SOX5: variants seen among roughly 807,000 people sequenced by gnomAD.
SOX5 encodes the protein SRY-box transcription factor 5.
Under a neutral mutation model 92.0 loss-of-function variants are expected in SOX5, and 9 were observed. The observed-to-expected ratio is 0.10, with a 90% CI of 0.06 to 0.17. SOX5 has a LOEUF of 0.17. SOX5 is among the 10% of genes least tolerant of loss of function. The pLI is 1.00. For missense variants in SOX5, 642 were observed against 944.5 expected (o/e 0.68, Z 4.20); for synonymous variants, 344 against 336.3 (o/e 1.02, Z -0.25).
In SOX5 at chr12:24,344,053, G is replaced by T. The variant is rs534996337; in HGVS notation, c.-174+24510C>A. 7.6e-4 allele frequency among the ~76,000 whole-genome samples: 116 copies of T among 152,048 alleles called. 1 individual carries two copies. The highest frequency in any genetic ancestry group is 1.4e-3 in the Non-Finnish European group (94 of 68,014). The stretch of plus-strand genomic sequence containing the variant: ...TAATCTCAGCACTTTGGGAGGCCGA[G>T]GTGGGCGAATCACAAGGTCAGGAGA... On this transcript the variant is annotated intron_variant, in intron 2 of 4. Transcript: ENST00000446891.
chr12:24,257,614 A>G (rs1941418733), intron 3 of SOX5, among the ~76,000 whole-genome samples: 1 of 152,074 alleles, frequency 6.6e-6, no homozygotes, highest in Admixed American at 6.5e-5. Context: ...GATTACAGGC[A>G]CGCACCACCA....
chr12:23,960,923 A>G (rs1946862367), intron 4 of SOX5, among the ~76,000 whole-genome samples: 1 of 152,104 alleles, frequency 6.6e-6, no homozygotes, highest in African/African-American at 2.4e-5. Flanking sequence ...TTCACTGCAT[A>G]TATTTTGAAC....
chr12:24,082,927 T>A (rs988872060), intron 4 of SOX5, among the ~76,000 whole-genome samples: 1 of 151,960 alleles, frequency 6.6e-6, no homozygotes, highest in South Asian at 2.1e-4. Context: ...CACAAAGATA[T>A]AATGATAGAT....
chr12:23,684,811 A>C (rs542285517), intron 6 of SOX5, among the ~76,000 whole-genome samples: 4 of 152,244 alleles, frequency 2.6e-5, no homozygotes, highest in African/African-American at 9.6e-5. Context: ...AACTGGCTTA[A>C]TGTCAACCTT....
chr12:23,851,068 C>A (rs1176062473), intron 2 of SOX5, among the ~76,000 whole-genome samples: 1 of 151,372 alleles, frequency 6.6e-6, no homozygotes. Flanking sequence ...TTTTAAAAAA[C>A]CAGTTGCTTG....
chr12:23,689,136 G>A (rs2088242867), intron 6 of SOX5, among the ~76,000 whole-genome samples: 1 of 152,068 alleles, frequency 6.6e-6, no homozygotes, highest in Admixed American at 6.6e-5. Context: ...GCCATTTAGA[G>A]CTAATCTGTT....
At chr12:24,032,979 C>T (rs576871271) in intron 4 of SOX5, among the ~76,000 whole-genome samples, 17 of 151,934 alleles carry the variant, frequency 1.1e-4, no homozygotes, top group Non-Finnish European at 2.4e-4. Flanking sequence ...GATTCTCAAA[C>T]TGGAAGTTGG....
At position 24,300,483 on chromosome 12, in the gene SOX5, G is replaced by A. The variant is rs148968131; in HGVS notation, c.-173-23171C>T. ...TCAAATAGGACATTATCCTTGCAACGAGACCAATATTCACTAAGCAACATA... is the reference window on the plus strand; with the variant it reads ...TCAAATAGGACATTATCCTTGCAACAAGACCAATATTCACTAAGCAACATA... On this transcript the variant is annotated intron_variant, in intron 2 of 4. Transcript: ENST00000446891. Among the ~76,000 whole-genome samples, 1,050 of 152,146 alleles carry A rather than the reference G, an allele frequency of 6.9e-3. 5 individuals are homozygous for A. The highest frequency in any genetic ancestry group is 0.017 in the Middle Eastern group (5 of 294).
intron 2 of SOX5, among the ~76,000 whole-genome samples, chr12:24,329,430 G>A (rs1951053830): frequency 6.6e-6 from 1 of 152,120 alleles, no homozygotes; most frequent in Non-Finnish European, 1.5e-5. Flanking sequence ...TCACAATCAT[G>A]AGAACAACAT....
chr12:23,622,660 C>T (rs192202304), intron 8 of SOX5, among the ~76,000 whole-genome samples: 4 of 152,148 alleles, frequency 2.6e-5, no homozygotes, highest in East Asian at 1.9e-4. Context: ...ATCAACACTG[C>T]GTCAACTTAC....
chr12:23,901,222 G>T (rs1018290584), intron 1 of SOX5, among the ~76,000 whole-genome samples: 1 of 152,112 alleles, frequency 6.6e-6, no homozygotes, highest in Non-Finnish European at 1.5e-5. Context: ...GAAGATGGAA[G>T]ATGAGGCCGT....
intron 4 of SOX5, among the ~76,000 whole-genome samples, chr12:23,991,120 G>A (rs532173008): frequency 1.3e-4 from 19 of 151,484 alleles, no homozygotes; most frequent in Non-Finnish European, 1.9e-4. Context: ...TTGGGAGGCT[G>A]AGGAGAGAGG....
chr12:24,160,115 T>G (rs1952601635), intron 4 of SOX5, among the ~76,000 whole-genome samples: 1 of 152,126 alleles, frequency 6.6e-6, no homozygotes, highest in African/African-American at 2.4e-5. Flanking sequence ...GCCACTATTT[T>G]CTGTTAGGAA....
chr12:23,593,782 G>T (rs1020602621), intron 9 of SOX5, among the ~76,000 whole-genome samples: 2 of 151,970 alleles, frequency 1.3e-5, no homozygotes, highest in African/African-American at 2.4e-5. Context: ...AGGTGGCGTT[G>T]CATGTTTATA....
At chr12:23,813,308 C>T (rs566943687) in intron 3 of SOX5, among the ~76,000 whole-genome samples, 1 of 152,122 alleles carries the variant, frequency 6.6e-6, no homozygotes, top group Non-Finnish European at 1.5e-5. Context: ...AAACTAATTA[C>T]TACCAAATGG....
At chr12:24,222,910 C>A (rs1356211708) in intron 3 of SOX5, among the ~76,000 whole-genome samples, 1 of 152,078 alleles carries the variant, frequency 6.6e-6, no homozygotes, top group Non-Finnish European at 1.5e-5. Context: ...GGAATAGACA[C>A]CCTACAGTGA....
intron 4 of SOX5, among the ~76,000 whole-genome samples, chr12:24,040,915 T>C (rs1290838747): frequency 6.6e-6 from 1 of 152,072 alleles, no homozygotes; most frequent in African/African-American, 2.4e-5. Context: ...GTAGAATACT[T>C]GCTTGTGATT....
chr12:23,626,711 A>G (rs1343195269), intron 8 of SOX5, among the ~76,000 whole-genome samples: 3 of 134,916 alleles, frequency 2.2e-5, no homozygotes, highest in Admixed American at 8.2e-5. Context: ...TTTCTCCATG[A>G]GATATAGGTA....
chr12:24,491,082 C>T (rs1310994158), intron 1 of SOX5, among the ~76,000 whole-genome samples: 1 of 152,122 alleles, frequency 6.6e-6, no homozygotes, highest in African/African-American at 2.4e-5. Context: ...TTCTTTCTTT[C>T]TTTCTGTCTT....
Sources: gnomAD v4.1 joint callset for allele counts (sites outside exome capture counted in the v4.1 genomes callset) on GRCh38, gnomAD v4.1.1 for gene constraint, MANE v1.5 for transcripts, NCBI Gene and HGNC (gene_info 2026-07-23, HGNC 2026-07-21) for gene names.